NKAIN2: variants seen among roughly 807,000 people sequenced by gnomAD.
The protein encoded by NKAIN2 is sodium/potassium-transporting ATPase subunit beta-1-interacting protein 2.
NKAIN2 carries 14 observed loss-of-function variants against 32.6 expected under a neutral mutation model. The observed-to-expected ratio is 0.43, with a 90% CI of 0.28 to 0.67. The LOEUF is 0.67. NKAIN2 is among the 30% of genes least tolerant of loss of function. The probability of loss-of-function intolerance (pLI) is 0.17; values close to 1 mark genes in which losing one functional copy is unlikely to be tolerated. For synonymous variants in NKAIN2, 80 were observed against 87.2 expected (o/e 0.92, Z 0.46); for missense variants, 198 against 258.3 (o/e 0.77, Z 1.60).
intron 1 of NKAIN2, among the ~76,000 whole-genome samples, chr6:124,028,526 G>A (rs939577697): frequency 4.0e-5 from 6 of 151,152 alleles, no homozygotes; most frequent in African/African-American, 1.5e-4. Context: ...AAAACTTAAA[G>A]TATAATAATA....
At chr6:124,197,642 A>G (rs1222154296) in intron 1 of NKAIN2, among the ~76,000 whole-genome samples, 1 of 152,074 alleles carries the variant, frequency 6.6e-6, no homozygotes, top group African/African-American at 2.4e-5. Context: ...TTTTACATGA[A>G]CTATTTTACT....
At chr6:124,000,593 A>C (rs1391205719) in intron 1 of NKAIN2, among the ~76,000 whole-genome samples, 1 of 152,024 alleles carries the variant, frequency 6.6e-6, no homozygotes, top group African/African-American at 2.4e-5. Flanking sequence ...AACTCTGTGG[A>C]TAATTTTTTC....
chr6:124,604,764 C>A (rs111364524), intron 3 of NKAIN2, among the ~76,000 whole-genome samples: 36 of 151,976 alleles, frequency 2.4e-4, no homozygotes, highest in Middle Eastern at 6.8e-3. Flanking sequence ...TTACTTTATT[C>A]TTTGCATGTA....
intron 1 of NKAIN2, among the ~76,000 whole-genome samples, chr6:123,911,444 G>A (rs1582763066): frequency 6.6e-6 from 1 of 151,876 alleles, no homozygotes; most frequent in Non-Finnish European, 1.5e-5. Context: ...TCTCAGGGGA[G>A]CTCTCAAGGA....
chr6:124,537,415 C>G (rs942227665), intron 3 of NKAIN2, among the ~76,000 whole-genome samples: 2 of 152,202 alleles, frequency 1.3e-5, no homozygotes, highest in African/African-American at 4.8e-5. Flanking sequence ...CCAGTTATAG[C>G]ACCACAAGTT....
At chr6:124,495,464 G>A (rs758678839) in intron 3 of NKAIN2, among the ~76,000 whole-genome samples, 36 of 151,992 alleles carry the variant, frequency 2.4e-4, no homozygotes, top group Non-Finnish European at 3.8e-4. Flanking sequence ...TCTACTATGC[G>A]TATGAATCAC....
At chr6:124,579,893 G>A (rs1781461001) in intron 3 of NKAIN2, among the ~76,000 whole-genome samples, 1 of 152,170 alleles carries the variant, frequency 6.6e-6, no homozygotes, top group Admixed American at 6.5e-5. Context: ...GGTTTTCAGT[G>A]GAAACTTTAC....
chr6:124,188,303 A>G (rs1789847896), intron 1 of NKAIN2, among the ~76,000 whole-genome samples: 2 of 152,218 alleles, frequency 1.3e-5, no homozygotes, highest in African/African-American at 4.8e-5. Flanking sequence ...TTTGAAAACT[A>G]TAGGGCAGGC....
intron 2 of NKAIN2, among the ~76,000 whole-genome samples, chr6:124,308,026 A>G (rs1796576176): frequency 6.6e-6 from 1 of 151,994 alleles, no homozygotes; most frequent in Admixed American, 6.6e-5. Flanking sequence ...TAGAACGTGT[A>G]GGTTTGTTAC....
intron 3 of NKAIN2, among the ~76,000 whole-genome samples, chr6:124,418,560 A>T (rs995092063): frequency 1.4e-5 from 2 of 138,714 alleles, no homozygotes; most frequent in Admixed American, 7.0e-5. Flanking sequence ...TATATATATA[A>T]AATATATATA....
At chr6:124,565,775 C>G (rs1562260024) in intron 3 of NKAIN2, among the ~76,000 whole-genome samples, 1 of 152,122 alleles carries the variant, frequency 6.6e-6, no homozygotes, top group African/African-American at 2.4e-5. Context: ...TGCAGGATTT[C>G]TATGCAAGGG....
In NKAIN2 at chr6:124,707,064, C is replaced by T. The variant is rs865903399; in HGVS notation, c.474+48678C>T. 4.2e-4 allele frequency among the ~76,000 whole-genome samples: 61 copies of T among 145,170 alleles called. 1 individual carries two copies. In the Middle Eastern group the frequency reaches 0.011, roughly 26 times the overall value. ...GTCCATGTGATCTCATTGTTCAATT[C>T]CCACCTATGAGTGAGAATATGCGGT... On this transcript the variant is annotated intron_variant, in intron 4 of 6. Transcript: ENST00000368417.
chr6:124,447,361 T>A (rs1429395217), intron 3 of NKAIN2, among the ~76,000 whole-genome samples: 1 of 152,132 alleles, frequency 6.6e-6, no homozygotes, highest in African/African-American at 2.4e-5. Context: ...TAAAAATAAA[T>A]TTTTAAGGTT....
chr6:124,474,221 G>A (rs1777093792), intron 3 of NKAIN2, among the ~76,000 whole-genome samples: 1 of 151,868 alleles, frequency 6.6e-6, no homozygotes. Flanking sequence ...TTTTCAAGGT[G>A]GAATCTGCCA....
At chr6:124,227,188 A>G (rs1410304629) in intron 1 of NKAIN2, among the ~76,000 whole-genome samples, 1 of 151,870 alleles carries the variant, frequency 6.6e-6, no homozygotes, top group Non-Finnish European at 1.5e-5. Flanking sequence ...ACTTGATCAC[A>G]CATTTCTGTT....
chr6:124,750,155 A>G (rs1583789519), intron 4 of NKAIN2, among the ~76,000 whole-genome samples: 1 of 152,036 alleles, frequency 6.6e-6, no homozygotes, highest in Middle Eastern at 3.4e-3. Flanking sequence ...AGGCTTTGAA[A>G]TAATACACAT....
At chr6:124,177,219 G>A (rs1197575472) in intron 1 of NKAIN2, among the ~76,000 whole-genome samples, 1 of 151,948 alleles carries the variant, frequency 6.6e-6, no homozygotes, top group Non-Finnish European at 1.5e-5. Context: ...TTTGATACTT[G>A]GAGAAAACAA....
At chr6:124,718,309 C>A (rs1006376023) in intron 4 of NKAIN2, among the ~76,000 whole-genome samples, 1 of 152,170 alleles carries the variant, frequency 6.6e-6, no homozygotes. Flanking sequence ...CTGTGCTTTT[C>A]GTCTGAGTGC....
chr6:124,347,723 G>A (rs923031223), intron 2 of NKAIN2, among the ~76,000 whole-genome samples: 1 of 152,108 alleles, frequency 6.6e-6, no homozygotes, highest in Non-Finnish European at 1.5e-5. Flanking sequence ...GGTTATTCTA[G>A]TTATACATTC....
Sources: allele counts gnomAD v4.1 joint callset (sites outside exome capture counted in the v4.1 genomes callset), GRCh38; gene constraint gnomAD v4.1.1; transcripts MANE v1.5; gene names NCBI Gene and HGNC (gene_info 2026-07-23, HGNC 2026-07-21).